PLEC: variants seen among roughly 807,000 people sequenced by gnomAD.
PLEC encodes the protein plectin.
In PLEC, 216 loss-of-function variants were observed where a neutral mutation model predicts 392.8. The ratio of observed to expected loss-of-function variants is 0.55; its 90% CI spans 0.49 to 0.62. PLEC has a LOEUF of 0.62. Among genes scored for constraint, PLEC ranks in the 20% least tolerant of loss-of-function variants. The pLI, the probability that PLEC is intolerant of heterozygous loss-of-function variation, is 0.00. For missense variants in PLEC, 6,863 were observed against 6,563.4 expected, an observed-to-expected ratio of 1.05 and a Z score of -1.58; for synonymous variants, 3,621 against 2,980.6, an observed-to-expected ratio of 1.21 and a Z score of -7.00.
Position 143,918,406 on chromosome 8 carries a change from G to A in PLEC, c.11415C>T (p.Ala3805=). The A allele has an allele frequency of 1.3e-6, 2 of 1,569,758 alleles. No homozygotes were observed. The highest frequency in any genetic ancestry group is 1.7e-6 in the Non-Finnish European group (2 of 1,162,182). The part of the protein sequence containing the change: ...EALRLLDAQL[A]TGGIVDPRLG... ...GGCGGGGGTCCACGATGCCGCCGGT[G>A]GCCAGCTGGGCATCCAGCAGCCGCA... The change falls in exon 32 of 32, where the codon GCC becomes GCT. Residue 3805 remains alanine (A), a synonymous_variant. Transcript: ENST00000345136.
intron 1 of PLEC, among the ~76,000 whole-genome samples, chr8:143,971,008 G>C (rs1413158471): frequency 1.3e-5 from 2 of 152,224 alleles, no homozygotes; most frequent in African/African-American, 4.8e-5. Context: ...AGGGAGAATG[G>C]GGGGGCTGAG....
intron 1 of PLEC, among the ~76,000 whole-genome samples, chr8:143,966,432 C>T (rs1388487841): frequency 6.6e-6 from 1 of 152,236 alleles, no homozygotes; most frequent in Non-Finnish European, 1.5e-5. Flanking sequence ...GCACCCAAGG[C>T]TAAGCGCTGG....
intron 12 of PLEC, among the ~76,000 whole-genome samples, chr8:143,933,692 C>A (rs1260595401): frequency 6.6e-6 from 1 of 152,062 alleles, no homozygotes; most frequent in Non-Finnish European, 1.5e-5. Context: ...GTGGGTTGGG[C>A]CCTCCCCCAA....
chr8:143,942,220 C>T (rs529669452), upstream of PLEC, among the ~76,000 whole-genome samples: 498 of 150,688 alleles, frequency 3.3e-3, 3 homozygotes, highest in African/African-American at 0.012. Context: ...GGTAGGGGAA[C>T]ATCACCCCGC....
At position 143,935,311 on chromosome 8, in the gene PLEC, G is replaced by A. The variant is rs1554722283; in HGVS notation, c.605C>T (p.Pro202Leu). ...LFNAIIHRHK[P>L]LLIDMNKVYR... Reference sequence around the variant, plus strand: ...CACCTTGTTCATGTCGATGAGCAGGGGCCTGGGACAAGCAGGTGGCTGGTC... The same window carrying A: ...CACCTTGTTCATGTCGATGAGCAGGAGCCTGGGACAAGCAGGTGGCTGGTC... The change falls in exon 7 of 32, where the codon CCC (proline) becomes CTC (leucine). Residue 202 changes from proline (P) to leucine (L), a missense_variant and splice_region_variant. Pro to Leu is a moderately conservative substitution (Grantham distance 98, BLOSUM62 -3). Transcript: ENST00000345136. 1 of 1,601,212 alleles carries A rather than the reference G, an allele frequency of 6.2e-7. No individual in the cohort carries two copies. Among genetic ancestry groups the A allele is most frequent in the South Asian group, 1.1e-5 (1 of 90,904 alleles).
chr8:143,927,531 T>A lies in PLEC; in HGVS notation c.3635A>T (p.Tyr1212Phe). The change falls in exon 27 of 32, where the codon TAC becomes TTC. Residue 1212 changes from tyrosine (Y) to phenylalanine (F), a missense_variant. Physicochemically the swap from Tyr to Phe is conservative, Grantham distance 22. Transcript: ENST00000345136. ...LEQLGRQLRY[Y>F]RESADPLGAW... ...GCCCAAGGGGTCTGCACTCTCGCGG[T>A]AGTAACGCAGCTGGCGGCCCAGTTG... 6.3e-7 allele frequency: 1 copy of A among 1,597,214 alleles called. No homozygotes were observed. The highest frequency in any genetic ancestry group is 8.5e-7 in the Non-Finnish European group (1 of 1,178,946).
At chr8:143,940,530 C>G (rs1830258066), upstream of PLEC, among the ~76,000 whole-genome samples, 1 of 152,208 alleles carries the variant, frequency 6.6e-6, no homozygotes, top group African/African-American at 2.4e-5. Context: ...AGGGCCTGCG[C>G]TGGCTGGGGC....
chr8:143,918,660 G>C lies in PLEC; in HGVS notation c.11161C>G (p.Arg3721Gly). ...GCTGCCTGTGCCTCCAGCAGCAGGCGGGCCACCTCGGCACTCAGCAGCCCT... is the reference window on the plus strand; with the variant it reads ...GCTGCCTGTGCCTCCAGCAGCAGGCCGGCCACCTCGGCACTCAGCAGCCCT... ...KKGLLSAEVA[R>G]LLLEAQAATG... is the part of the protein sequence containing the mutation. Residue 3721 changes from arginine to glycine, a missense_variant, in exon 32 of 32, where the codon CGC becomes GGC. By Grantham distance (125) the Arg-to-Gly change is moderately radical (BLOSUM62 -2). Coordinates refer to ENST00000345136, the MANE Select transcript of PLEC (RefSeq NM_201384.3). 1 of 1,612,794 alleles carries C rather than the reference G, an allele frequency of 6.2e-7. No individual in the cohort carries two copies. The highest frequency in any genetic ancestry group is 8.5e-7 in the Non-Finnish European group (1 of 1,179,942).
At chr8:143,966,245 T>A (rs1176723730) in intron 1 of PLEC, among the ~76,000 whole-genome samples, 1 of 152,188 alleles carries the variant, frequency 6.6e-6, no homozygotes, top group Non-Finnish European at 1.5e-5. Flanking sequence ...CTGCTCTGCT[T>A]CCCGGCTGCC....
upstream of PLEC, among the ~76,000 whole-genome samples, chr8:143,951,772 T>G (rs1554736767): frequency 1.3e-5 from 2 of 151,912 alleles, no homozygotes; most frequent in African/African-American, 4.8e-5. Context: ...GGTGGAAGAA[T>G]GCCAGGCCAG....
intron 1 of PLEC, among the ~76,000 whole-genome samples, chr8:143,946,104 C>T (rs1303180305): frequency 1.3e-5 from 2 of 152,252 alleles, no homozygotes; most frequent in East Asian, 1.9e-4. Flanking sequence ...CAGCTCCTGG[C>T]GGGAGGAGTG....
intron 11 of PLEC, 66 bp downstream of exon 11, chr8:143,934,252 G>GGGTTTCCT: frequency 6.2e-7 from 1 of 1,604,534 alleles, no homozygotes; most frequent in East Asian, 2.2e-5. Flanking sequence ...GCGGGGAGGG[G>GGGTTTCCT]GGTTTCCTTC....
chr8:143,953,658 A>G, upstream of PLEC: 2 of 1,524,592 alleles, frequency 1.3e-6, no homozygotes, highest in South Asian at 2.3e-5. Flanking sequence ...CCCTGCGTGG[A>G]CTGCACCCAG....
In PLEC at chr8:143,917,551, G is replaced by T. The variant is rs782484563; in HGVS notation, c.12270C>A (p.Phe4090Leu). 1 of 1,613,986 alleles carries T rather than the reference G, an allele frequency of 6.2e-7. No homozygotes were observed. Among genetic ancestry groups the T allele is most frequent in the South Asian group, 1.1e-5 (1 of 91,088 alleles). Residue 4090 changes from phenylalanine to leucine, a missense_variant, in exon 32 of 32, where the codon TTC becomes TTA. Phe to Leu is a conservative substitution (Grantham distance 22). Transcript: ENST00000345136. ...GGTTCTCCTCCGTGTTAGGGTCAAA[G>T]AAGCCCTTGGTGTCGTCCGAGGGGT... ...LTDPSDDTKG[F>L]FDPNTEENLT... is the part of the protein sequence containing the mutation.
chr8:143,950,148 C>T, intron 1 of PLEC: 4 of 1,469,470 alleles, frequency 2.7e-6, no homozygotes, highest in Non-Finnish European at 3.6e-6. Context: ...CCCCTACTTG[C>T]CACCCATCAT....
chr8:143,942,214 G>C (rs1423383833), upstream of PLEC, among the ~76,000 whole-genome samples: 2 of 151,646 alleles, frequency 1.3e-5, no homozygotes. Flanking sequence ...AATGGGGGTA[G>C]GGGAACATCA....
Position 143,923,581 on chromosome 8 carries a change from C to A in PLEC, c.6348G>T (p.Arg2116=), listed in dbSNP as rs782758062. 1 of 1,595,992 alleles carries A rather than the reference C, an allele frequency of 6.3e-7. No individual in the cohort carries two copies. The highest frequency in any genetic ancestry group is 8.5e-7 in the Non-Finnish European group (1 of 1,177,730). The change falls in exon 31 of 32, where the codon CGG becomes CGT. Residue 2116 remains arginine, a synonymous_variant. Coordinates refer to ENST00000345136, the MANE Select transcript of PLEC (RefSeq NM_201384.3). ...CCTGCTCCTCTGCCGACTGCTTCAG[C>A]CGCTCGGCCTCTTCCACCTGCCGCC... ...QSRRQVEEAE[R]LKQSAEEQAQ...
chr8:143,935,822 A>G (rs1828899119), intron 6 of PLEC, 26 bp downstream of exon 6: 1 of 1,611,508 alleles, frequency 6.2e-7, no homozygotes, highest in Non-Finnish European at 8.5e-7. Context: ...CCCAGCCCAC[A>G]GCCCCCTGCC....
At chr8:143,968,134 T>C (rs1479186960) in intron 1 of PLEC, among the ~76,000 whole-genome samples, 2 of 141,022 alleles carry the variant, frequency 1.4e-5, no homozygotes, top group African/African-American at 5.5e-5. Context: ...CGAGACTTCG[T>C]CTCAAAAAAA....
Sources: allele counts gnomAD v4.1 joint callset (sites outside exome capture counted in the v4.1 genomes callset), GRCh38; gene constraint gnomAD v4.1.1; transcripts MANE v1.5; gene names NCBI Gene and HGNC (gene_info 2026-07-23, HGNC 2026-07-21).